Variants in SDK2 observed in about 807,000 individuals in gnomAD.
The protein encoded by SDK2 is protein sidekick-2.
In SDK2, 105 loss-of-function variants were observed where a neutral mutation model predicts 253.9. The observed-to-expected ratio is 0.41, with a 90% CI of 0.35 to 0.49. The LOEUF is 0.49. Ranked by LOEUF, SDK2 falls within the 20% of genes least tolerant of loss-of-function variation. SDK2 has a pLI of 0.06. For synonymous variants in SDK2, 1,249 were observed against 1,234.9 expected (o/e 1.01, Z -0.24); for missense variants, 2,608 against 3,003.0 (o/e 0.87, Z 3.07).
At chr17:73,488,172 C>T (rs926368950) in intron 2 of SDK2, among the ~76,000 whole-genome samples, 3 of 152,138 alleles carry the variant, frequency 2.0e-5, no homozygotes, top group Admixed American at 6.5e-5. Context: ...CCTGCCACCA[C>T]GCCTGGCTAA....
At position 73,338,447 on chromosome 17, in the gene SDK2, T is replaced by C. The variant is rs1173576184; in HGVS notation, c.*140A>G. On this transcript the variant is annotated 3_prime_UTR_variant, in exon 45 of 45. Transcript: ENST00000392650. This position sits in a 1 kb window ranked among gnomAD's most constrained non-coding sequence, Gnocchi z 5.0. ...TTCTGAACGCCGGCTTTGCTGGCCC[T>C]GGAATCTCTGGAAAAATAAACTCAG... The C allele has an allele frequency of 1.4e-6, 1 of 706,600 alleles. No homozygotes were observed. The highest frequency in any genetic ancestry group is 1.5e-5 in the South Asian group (1 of 65,534). 43.8% of individuals were successfully genotyped at this position (706,600 alleles called of 1,614,324 possible).
intron 18 of SDK2, among the ~76,000 whole-genome samples, chr17:73,413,371 GTA>G (rs2063155144): frequency 6.6e-6 from 1 of 151,942 alleles, no homozygotes; most frequent in African/African-American, 2.4e-5. Context: ...GTGGTGAGTT[GTA>G]TAGTTATTTC....
chr17:73,480,548 G>A (rs1287544240), intron 2 of SDK2, among the ~76,000 whole-genome samples: 1 of 152,156 alleles, frequency 6.6e-6, no homozygotes, highest in Non-Finnish European at 1.5e-5. Flanking sequence ...CACCTGTTCG[G>A]TATGATCAAG....
chr17:73,562,284 G>C (rs78793187), intron 1 of SDK2, among the ~76,000 whole-genome samples: 6,692 of 152,258 alleles, frequency 0.044, 215 homozygotes, highest in Non-Finnish European at 0.069. Flanking sequence ...TTTATCGGAC[G>C]TTTTGATATT....
chr17:73,601,615 G>T lies in SDK2; in HGVS notation c.64+42410C>A, dbSNP rs183979146. Among the ~76,000 whole-genome samples the T allele has an allele frequency of 5.8e-4, 89 of 152,270 alleles. 1 individual carries two copies. The highest frequency in any genetic ancestry group is 2.1e-3 in the African/African-American group (86 of 41,566). On this transcript the variant is annotated intron_variant, in intron 1 of 44. Coordinates refer to ENST00000392650, the MANE Select transcript of SDK2 (RefSeq NM_001144952.2). ...TGGAGTGAGGCATCTCTCGGCTAAG[G>T]CATGTGGAGAATCACCAGTAGCGCC...
chr17:73,615,156 A>G (rs374664208), intron 1 of SDK2, among the ~76,000 whole-genome samples: 95 of 152,300 alleles, frequency 6.2e-4, no homozygotes, highest in African/African-American at 2.2e-3. Context: ...CAATGAGTAC[A>G]TACTTGATGT....
intron 1 of SDK2, among the ~76,000 whole-genome samples, chr17:73,571,482 C>T (rs1369546387): frequency 6.6e-6 from 1 of 152,238 alleles, no homozygotes; most frequent in Non-Finnish European, 1.5e-5. Context: ...AGGCCCAACC[C>T]TGAGCCCATC....
chr17:73,635,875 G>T (rs1407690769), intron 1 of SDK2, among the ~76,000 whole-genome samples: 1 of 151,664 alleles, frequency 6.6e-6, no homozygotes, highest in African/African-American at 2.4e-5. Context: ...ACAAGGAGGA[G>T]AGCAGAAGAC....
At chr17:73,531,239 C>T (rs995976003) in intron 1 of SDK2, among the ~76,000 whole-genome samples, 1 of 152,224 alleles carries the variant, frequency 6.6e-6, no homozygotes, top group African/African-American at 2.4e-5. Context: ...TGATGACCTC[C>T]AACATGCTCA....
In SDK2 at chr17:73,435,408, G is replaced by T; in HGVS notation, c.1195+42C>A. 1 of 1,530,096 alleles carries T rather than the reference G, an allele frequency of 6.5e-7. No individual in the cohort carries two copies. Among genetic ancestry groups the T allele is most frequent in the Non-Finnish European group, 8.8e-7 (1 of 1,131,048 alleles). 94.8% of individuals were successfully genotyped at this position (1,530,096 alleles called of 1,614,324 possible). On this transcript the variant is annotated intron_variant, in intron 9 of 44. Coordinates refer to ENST00000392650, the MANE Select transcript of SDK2 (RefSeq NM_001144952.2). The surrounding 1 kb of genome is among the most constrained non-coding windows in gnomAD (Gnocchi z 5.7). ...ACCTTGGAAGAAAGCTGCGTCCTGG[G>T]AAGAGGGGCTCACGGGCAGCACAAG...
chr17:73,490,505 T>C (rs1248841713), intron 2 of SDK2, among the ~76,000 whole-genome samples: 1 of 149,358 alleles, frequency 6.7e-6, no homozygotes, highest in Non-Finnish European at 1.5e-5. Context: ...CAATACTTAC[T>C]AATATGGGCC....
At chr17:73,382,644 A>G (rs2062840284) in intron 33 of SDK2, among the ~76,000 whole-genome samples, 1 of 152,256 alleles carries the variant, frequency 6.6e-6, no homozygotes, top group South Asian at 2.1e-4. Flanking sequence ...TCGTAAATGC[A>G]CCTAACTGTC....
rs938094287 is a variant in SDK2 at position 73,587,214 on chromosome 17, T to G, written c.64+56811A>C. ...GCTCTAGAGCCTGAGGTCCCCAGGC[T>G]AGGTCCCCTAGGCAAAATCAGCTCA... On this transcript the variant is annotated intron_variant, in intron 1 of 44. Coordinates refer to ENST00000392650, the MANE Select transcript of SDK2 (RefSeq NM_001144952.2). Among the ~76,000 whole-genome samples, 7 of 152,304 alleles carry G rather than the reference T, an allele frequency of 4.6e-5. No homozygotes were observed. In the East Asian group the frequency reaches 1.4e-3, roughly 29 times the overall value.
rs1166475886 is a variant in SDK2 at position 73,339,219 on chromosome 17, T to TTTG, written c.6166-280_6166-279insCAA. Among the ~76,000 whole-genome samples, 44 of 144,894 alleles carry TTTG rather than the reference T, an allele frequency of 3.0e-4. 8 individuals are homozygous for TTTG. The highest frequency in any genetic ancestry group is 4.1e-4 in the Admixed American group (6 of 14,462). On this transcript the variant is annotated intron_variant, in intron 44 of 44. Coordinates refer to ENST00000392650, the MANE Select transcript of SDK2 (RefSeq NM_001144952.2). The stretch of plus-strand genomic sequence containing the variant: ...ATAGAATCAGAAGACCTGAGTTTTT[T>TTTG]TTTGTTTTTGTTTTTGTTTTTTTTT...
chr17:73,414,554 G>C (rs1215103517), intron 18 of SDK2, 90 bp downstream of exon 18: 1 of 957,512 alleles, frequency 1.0e-6, no homozygotes, highest in Non-Finnish European at 1.7e-6. Context: ...AAACAGAGGG[G>C]GGATTTCCTC....
chr17:73,383,808 C>T lies in SDK2; in HGVS notation c.4705+68G>A. Reference sequence around the variant, plus strand: ...GAGTGGTTCCAGGAAGCTGAGAGCTCCAGAGCGGGAAGGTGAGGGTGACCG... The same window carrying T: ...GAGTGGTTCCAGGAAGCTGAGAGCTTCAGAGCGGGAAGGTGAGGGTGACCG... On this transcript the variant is annotated intron_variant, in intron 33 of 44. Transcript: ENST00000392650. The surrounding 1 kb of genome is among the most constrained non-coding windows in gnomAD (Gnocchi z 4.3). 1 of 1,593,424 alleles carries T rather than the reference C, an allele frequency of 6.3e-7. No homozygotes were observed. The highest frequency in any genetic ancestry group is 2.2e-5 in the East Asian group (1 of 44,482).
At chr17:73,369,887 G>T (rs940216115) in intron 36 of SDK2, among the ~76,000 whole-genome samples, 1 of 152,072 alleles carries the variant, frequency 6.6e-6, no homozygotes, top group Non-Finnish European at 1.5e-5. Flanking sequence ...CTTGTGATCC[G>T]CCCGCCTCGG....
intron 1 of SDK2, among the ~76,000 whole-genome samples, chr17:73,564,171 C>T (rs984736564): frequency 2.0e-5 from 3 of 152,002 alleles, no homozygotes; most frequent in East Asian, 1.9e-4. Flanking sequence ...TAGAGCTGTT[C>T]GATACGGTAA....
At chr17:73,384,294 A>G (rs1352049385) in intron 32 of SDK2, among the ~76,000 whole-genome samples, 1 of 152,180 alleles carries the variant, frequency 6.6e-6, no homozygotes, top group Non-Finnish European at 1.5e-5. Flanking sequence ...GCCCAAGATC[A>G]CAGAGCATCA....
Sources: gnomAD v4.1 joint callset for allele counts (sites outside exome capture counted in the v4.1 genomes callset) on GRCh38, gnomAD v4.1.1 for gene constraint, Gnocchi (gnomAD v3.1) non-coding constraint, MANE v1.5 for transcripts, NCBI Gene and HGNC (gene_info 2026-07-23, HGNC 2026-07-21) for gene names.